The following KCNIP4 variants were observed in gnomAD, a reference collection of about 807,000 sequenced individuals.
KCNIP4 encodes Kv channel-interacting protein 4.
A neutral mutation model predicts 34.0 loss-of-function variants in KCNIP4; 12 were observed. The observed-to-expected ratio is 0.35, with a 90% CI of 0.23 to 0.57. The LOEUF (loss-of-function observed/expected upper bound fraction) is 0.57. Among genes scored for constraint, KCNIP4 ranks in the 20% least tolerant of loss-of-function variants. The pLI is 0.83. For missense variants in KCNIP4, 238 were observed against 311.7 expected, an observed-to-expected ratio of 0.76 and a Z score of 1.78; for synonymous variants, 124 against 102.2, an observed-to-expected ratio of 1.21 and a Z score of -1.29.
intron 1 of KCNIP4, among the ~76,000 whole-genome samples, chr4:21,396,293 C>T (rs539400355): frequency 7.2e-5 from 11 of 151,946 alleles, no homozygotes; most frequent in East Asian, 1.9e-4. Flanking sequence ...TGGTGGCTCA[C>T]GCCTGTAATC....
chr4:20,916,233 A>C (rs1728803243), intron 1 of KCNIP4: 5 of 710,704 alleles, frequency 7.0e-6, no homozygotes, highest in Non-Finnish European at 8.6e-6. Flanking sequence ...GGTTCTCTCT[A>C]TGATTTCTGC....
At chr4:21,148,862 C>A (rs1255845858) in intron 1 of KCNIP4, among the ~76,000 whole-genome samples, 4 of 152,160 alleles carry the variant, frequency 2.6e-5, no homozygotes, top group Admixed American at 6.5e-5. Context: ...AACACTAAAA[C>A]TTTGCTGAAT....
At chr4:21,289,580 A>G (rs1212550172) in intron 1 of KCNIP4, among the ~76,000 whole-genome samples, 1 of 152,178 alleles carries the variant, frequency 6.6e-6, no homozygotes, top group Non-Finnish European at 1.5e-5. Context: ...CCTAAGGACA[A>G]GTTTTATAAA....
chr4:21,270,425 C>T (rs776173843), intron 1 of KCNIP4, among the ~76,000 whole-genome samples: 6 of 152,068 alleles, frequency 3.9e-5, no homozygotes, highest in Non-Finnish European at 7.4e-5. Flanking sequence ...GTAACGTAAA[C>T]GTGTTAAGAT....
Position 21,408,023 on chromosome 4 carries a change from A to G in KCNIP4, c.62-525314T>C, listed in dbSNP as rs139594550. ...ACAGCTGTCTTTCTATGGATAATTT[A>G]CAGAGTTAGAAAATAGCTCAAAACA... is the stretch of plus-strand genomic sequence containing the variant. On this transcript the variant is annotated intron_variant, in intron 1 of 8. Coordinates refer to ENST00000382152, the MANE Select transcript of KCNIP4 (RefSeq NM_025221.6). Among the ~76,000 whole-genome samples, 444 of 152,320 alleles carry G rather than the reference A, an allele frequency of 2.9e-3. 2 individuals carry two copies. The highest frequency in any genetic ancestry group is 9.9e-3 in the African/African-American group (410 of 41,564).
At chr4:20,992,365 AT>A (rs1380313739) in intron 1 of KCNIP4, among the ~76,000 whole-genome samples, 1 of 152,128 alleles carries the variant, frequency 6.6e-6, no homozygotes, top group Non-Finnish European at 1.5e-5. Context: ...TGAGAACAGC[AT>A]GGGGGAAACC....
At position 20,818,120 on chromosome 4, in the gene KCNIP4, G is replaced by T. The variant is rs1278572765; in HGVS notation, c.288+32423C>A. Among the ~76,000 whole-genome samples, 3 of 152,176 alleles carry T rather than the reference G, an allele frequency of 2.0e-5. No individual in the cohort carries two copies. The East Asian group carries it at 5.8e-4, about 29-fold the overall frequency. ...GATATATGATGAGTCGATTTCTAAT[G>T]ATTGCAATACCTCATGAGATACCTT... On this transcript the variant is annotated intron_variant, in intron 3 of 8. Transcript: ENST00000382152.
chr4:21,368,946 C>T (rs905417463), intron 1 of KCNIP4, among the ~76,000 whole-genome samples: 3 of 147,034 alleles, frequency 2.0e-5, no homozygotes, highest in Admixed American at 6.6e-5. Flanking sequence ...ATCCATAAAT[C>T]CATTCATCCA....
At chr4:20,799,817 G>A (rs142825041) in intron 3 of KCNIP4, among the ~76,000 whole-genome samples, 28 of 152,282 alleles carry the variant, frequency 1.8e-4, no homozygotes, top group South Asian at 6.2e-4. Context: ...GCACTGTTCC[G>A]TGAGGATTTA....
chr4:21,165,441 G>A (rs1252302640), intron 1 of KCNIP4, among the ~76,000 whole-genome samples: 3 of 2,476 alleles, frequency 1.2e-3, no homozygotes, highest in Non-Finnish European at 1.4e-3. Flanking sequence ...TCATATGTTT[G>A]AAAGCATCAA....
intron 1 of KCNIP4, among the ~76,000 whole-genome samples, chr4:21,833,953 C>G (rs1488509838): frequency 3.3e-5 from 5 of 151,740 alleles, no homozygotes. Flanking sequence ...TGATCTATAT[C>G]TCTGTTTTGG....
chr4:20,952,540 A>G (rs1732885390), intron 1 of KCNIP4, among the ~76,000 whole-genome samples: 1 of 152,226 alleles, frequency 6.6e-6, no homozygotes, highest in Non-Finnish European at 1.5e-5. Context: ...GTTCAAAGTC[A>G]TAAGAAACCA....
chr4:21,828,951 G>A (rs974584987), intron 1 of KCNIP4, among the ~76,000 whole-genome samples: 9 of 151,706 alleles, frequency 5.9e-5, no homozygotes, highest in Non-Finnish European at 1.0e-4. Flanking sequence ...TGGTAACTCT[G>A]CAAAAATACA....
At chr4:21,104,558 G>C (rs1748302155) in intron 1 of KCNIP4, among the ~76,000 whole-genome samples, 1 of 152,126 alleles carries the variant, frequency 6.6e-6, no homozygotes, top group East Asian at 1.9e-4. Flanking sequence ...TGTTCACTCT[G>C]ATGGTAGTTT....
intron 1 of KCNIP4, among the ~76,000 whole-genome samples, chr4:21,107,827 T>C (rs1748725753): frequency 1.3e-5 from 2 of 151,504 alleles, no homozygotes; most frequent in African/African-American, 4.9e-5. Flanking sequence ...TTTGCTTGTC[T>C]GTAAAGTATT....
At position 20,797,837 on chromosome 4, in the gene KCNIP4, T is replaced by G. The variant is rs192242218; in HGVS notation, c.289-38947A>C. Reference sequence around the variant, plus strand: ...CAGGAAGAATGATCTTAGACGTGGATTTTCCTCCAAAGTCTGCAGAAAAGA... The same window carrying G: ...CAGGAAGAATGATCTTAGACGTGGAGTTTCCTCCAAAGTCTGCAGAAAAGA... On this transcript the variant is annotated intron_variant, in intron 3 of 8. Coordinates refer to ENST00000382152, the MANE Select transcript of KCNIP4 (RefSeq NM_025221.6). Among the ~76,000 whole-genome samples the G allele has an allele frequency of 2.6e-3, 390 of 152,256 alleles. 4 individuals carry two copies. The highest frequency in any genetic ancestry group is 5.4e-3 in the South Asian group (26 of 4,826).
chr4:21,720,751 A>G (rs1205411060), intron 1 of KCNIP4, among the ~76,000 whole-genome samples: 7 of 143,880 alleles, frequency 4.9e-5, no homozygotes, highest in South Asian at 2.2e-4. Context: ...TCATTGTTCA[A>G]TTCCCACCTA....
chr4:21,469,251 AC>A (rs1187607497), intron 1 of KCNIP4, among the ~76,000 whole-genome samples: 2 of 151,480 alleles, frequency 1.3e-5, no homozygotes, highest in Admixed American at 1.3e-4. Flanking sequence ...CCACCATATT[AC>A]CCAGGTTTGT....
At chr4:20,938,741 TTACA>T (rs1402809500) in intron 1 of KCNIP4, among the ~76,000 whole-genome samples, 1 of 152,164 alleles carries the variant, frequency 6.6e-6, no homozygotes, top group Non-Finnish European at 1.5e-5. Context: ...ACAACACCTC[TTACA>T]TATTCTCCAA....
Sources: gnomAD v4.1 joint callset for allele counts (sites outside exome capture counted in the v4.1 genomes callset) on GRCh38, gnomAD v4.1.1 for gene constraint, MANE v1.5 for transcripts, NCBI Gene and HGNC (gene_info 2026-07-23, HGNC 2026-07-21) for gene names.